The following ZNF804B variants were observed in gnomAD, a reference collection of about 807,000 sequenced individuals.
The protein encoded by ZNF804B is zinc finger protein 804B, also known as zinc finger 804B.
In ZNF804B, 80 loss-of-function variants were observed where a neutral mutation model predicts 101.4. That is an observed-to-expected ratio of 0.79 (90% CI 0.66 to 0.95). ZNF804B has a LOEUF of 0.95. ZNF804B is among the 40% of genes least tolerant of loss of function. ZNF804B has a pLI of 0.00. For missense variants in ZNF804B, 1,673 were observed against 1,561.9 expected, an observed-to-expected ratio of 1.07 and a Z score of -1.20; for synonymous variants, 622 against 558.8, an observed-to-expected ratio of 1.11 and a Z score of -1.59.
intron 2 of ZNF804B, among the ~76,000 whole-genome samples, chr7:89,227,934 T>A (rs527480062): frequency 6.6e-6 from 1 of 152,352 alleles, no homozygotes; most frequent in Non-Finnish European, 1.5e-5. Flanking sequence ...GATAATATCT[T>A]CCTCTACAAT....
chr7:89,301,363 C>T (rs1350417541), intron 2 of ZNF804B, among the ~76,000 whole-genome samples: 2 of 151,616 alleles, frequency 1.3e-5, no homozygotes, highest in Non-Finnish European at 3.0e-5. Context: ...AGCTTTCTTG[C>T]TGATGTGACT....
intron 1 of ZNF804B, among the ~76,000 whole-genome samples, chr7:88,885,257 T>C (rs1170064482): frequency 1.3e-5 from 2 of 151,858 alleles, no homozygotes; most frequent in Admixed American, 1.3e-4. Flanking sequence ...CATAAAAATG[T>C]CCTTTGTTTT....
At chr7:88,837,330 C>T (rs1317365900) in intron 1 of ZNF804B, among the ~76,000 whole-genome samples, 1 of 151,814 alleles carries the variant, frequency 6.6e-6, no homozygotes, top group African/African-American at 2.4e-5. Context: ...CAAATGAAAT[C>T]GAAATTTTGG....
intron 1 of ZNF804B, among the ~76,000 whole-genome samples, chr7:88,879,913 C>T (rs575326657): frequency 6.6e-6 from 1 of 152,028 alleles, no homozygotes; most frequent in African/African-American, 2.4e-5. Flanking sequence ...GTGGCAGACA[C>T]CTGTATTCCG....
rs560877315 is a variant in ZNF804B at position 89,193,018 on chromosome 7, A to G, written c.109-25137A>G. ...TGCCTTAAAATAATAAGAGCCATAC[A>G]TGGCAAACCCACAGCCAATATCATA... On this transcript the variant is annotated intron_variant, in intron 1 of 3. Coordinates refer to ENST00000333190, the MANE Select transcript of ZNF804B (RefSeq NM_181646.5). Among the ~76,000 whole-genome samples the G allele has an allele frequency of 1.4e-4, 22 of 152,230 alleles. No individual in the cohort carries two copies. In the East Asian group the frequency reaches 4.1e-3, roughly 28 times the overall value.
At chr7:89,161,035 T>C (rs935694714) in intron 1 of ZNF804B, among the ~76,000 whole-genome samples, 11 of 152,098 alleles carry the variant, frequency 7.2e-5, no homozygotes, top group African/African-American at 2.4e-4. Flanking sequence ...CACCATATCC[T>C]TGTGGGACTC....
At chr7:88,840,842 A>G (rs757286997) in intron 1 of ZNF804B, among the ~76,000 whole-genome samples, 13 of 152,184 alleles carry the variant, frequency 8.5e-5, no homozygotes, top group Non-Finnish European at 7.4e-5. Flanking sequence ...ATTGATCTAT[A>G]AACAAAATTG....
At chr7:89,197,832 T>C (rs1788578333) in intron 1 of ZNF804B, among the ~76,000 whole-genome samples, 1 of 151,932 alleles carries the variant, frequency 6.6e-6, no homozygotes, top group Non-Finnish European at 1.5e-5. Flanking sequence ...TTGACATTTT[T>C]GTACACTTTA....
At chr7:89,044,819 C>T (rs1248308695) in intron 1 of ZNF804B, among the ~76,000 whole-genome samples, 5 of 152,166 alleles carry the variant, frequency 3.3e-5, no homozygotes, top group Non-Finnish European at 5.9e-5. Context: ...GGAAAATTTA[C>T]AGCCTGACAG....
chr7:89,246,607 C>A (rs1789451230), intron 2 of ZNF804B, among the ~76,000 whole-genome samples: 1 of 151,864 alleles, frequency 6.6e-6, no homozygotes, highest in Non-Finnish European at 1.5e-5. Flanking sequence ...CATTTGAGCA[C>A]CTGCTCACTT....
intron 1 of ZNF804B, among the ~76,000 whole-genome samples, chr7:88,923,753 G>A (rs552186799): frequency 2.6e-5 from 4 of 152,054 alleles, no homozygotes; most frequent in Admixed American, 2.0e-4. Flanking sequence ...CTTATTCTAT[G>A]CTAATAAACA....
At chr7:88,966,711 C>CT (rs1436876545) in intron 1 of ZNF804B, among the ~76,000 whole-genome samples, 3 of 151,084 alleles carry the variant, frequency 2.0e-5, no homozygotes, top group Non-Finnish European at 4.5e-5. Context: ...GTCTCCATGA[C>CT]TTTTAGAGTC....
chr7:88,836,568 ATACT>A (rs1277462063), intron 1 of ZNF804B, among the ~76,000 whole-genome samples: 9 of 152,102 alleles, frequency 5.9e-5, no homozygotes, highest in South Asian at 2.1e-4. Context: ...TCTACTTCAA[ATACT>A]TACCCTTTAG....
chr7:89,183,441 T>C (rs1788329744), intron 1 of ZNF804B, among the ~76,000 whole-genome samples: 1 of 152,168 alleles, frequency 6.6e-6, no homozygotes, highest in African/African-American at 2.4e-5. Context: ...GGTCTGTTCA[T>C]CTATGCAGGA....
intron 1 of ZNF804B, among the ~76,000 whole-genome samples, chr7:89,203,751 A>T (rs1788678817): frequency 6.6e-6 from 1 of 152,158 alleles, no homozygotes; most frequent in Non-Finnish European, 1.5e-5. Context: ...ATAATAGCAG[A>T]CGTTCAGGAG....
intron 1 of ZNF804B, among the ~76,000 whole-genome samples, chr7:88,915,678 C>T (rs1462453135): frequency 2.0e-5 from 3 of 151,796 alleles, no homozygotes; most frequent in Non-Finnish European, 2.9e-5. Flanking sequence ...AACTTAGCCA[C>T]ATGATCCTGA....
At chr7:89,009,142 T>G (rs1788414218) in intron 1 of ZNF804B, among the ~76,000 whole-genome samples, 1 of 152,184 alleles carries the variant, frequency 6.6e-6, no homozygotes, top group South Asian at 2.1e-4. Flanking sequence ...GGTCTCAGAA[T>G]TCTTCTGCAA....
chr7:89,269,291 C>T (rs990500371), intron 2 of ZNF804B, among the ~76,000 whole-genome samples: 2 of 152,078 alleles, frequency 1.3e-5, no homozygotes, highest in Admixed American at 1.3e-4. Context: ...TCAATTCCCA[C>T]CTATGAGTGA....
rs549669308 is a variant in ZNF804B at position 89,308,112 on chromosome 7, A to G, written c.250-19232A>G. ...AGTGAGTCTTCTGAGTATTTTTCAA[A>G]TACAATGCTCCTTACTCTTGGAATA... On this transcript the variant is annotated intron_variant, in intron 2 of 3. Coordinates refer to ENST00000333190, the MANE Select transcript of ZNF804B (RefSeq NM_181646.5). 6.6e-5 allele frequency among the ~76,000 whole-genome samples: 10 copies of G among 152,298 alleles called. No individual in the cohort carries two copies. In the South Asian group the frequency reaches 1.4e-3, roughly 22 times the overall value.
Sources: gnomAD v4.1 joint callset for allele counts (sites outside exome capture counted in the v4.1 genomes callset) on GRCh38, gnomAD v4.1.1 for gene constraint, MANE v1.5 for transcripts, NCBI Gene and HGNC (gene_info 2026-07-23, HGNC 2026-07-21) for gene names.